DGKB: variants seen among roughly 807,000 people sequenced by gnomAD.
DGKB encodes diacylglycerol kinase beta.
A neutral mutation model predicts 114.3 loss-of-function variants in DGKB; 67 were observed. The ratio of observed to expected loss-of-function variants is 0.59; its 90% CI spans 0.48 to 0.72. DGKB has a LOEUF of 0.72. Among genes scored for constraint, DGKB ranks in the 30% least tolerant of loss-of-function variants. The pLI, the probability that DGKB is intolerant of heterozygous loss-of-function variation, is 0.00. For synonymous variants in DGKB, 398 were observed against 323.1 expected, an observed-to-expected ratio of 1.23 and a Z score of -2.49; for missense variants, 907 against 975.2, an observed-to-expected ratio of 0.93 and a Z score of 0.93.
At chr7:14,415,348 C>A (rs1825540132) in intron 21 of DGKB, among the ~76,000 whole-genome samples, 1 of 151,844 alleles carries the variant, frequency 6.6e-6, no homozygotes, top group Non-Finnish European at 1.5e-5. Context: ...TATACATGTG[C>A]CATGTTGGTG....
chr7:14,886,282 CA>C (rs1256596262), intron 1 of DGKB, among the ~76,000 whole-genome samples: 1 of 151,746 alleles, frequency 6.6e-6, no homozygotes, highest in African/African-American at 2.4e-5. Context: ...GAGATCTGAA[CA>C]TGGGAAGAAG....
chr7:14,649,474 T>C (rs984119924), intron 13 of DGKB, among the ~76,000 whole-genome samples: 7 of 151,412 alleles, frequency 4.6e-5, no homozygotes, highest in Admixed American at 2.0e-4. Flanking sequence ...CAGGCCTGCC[T>C]TACAAGAGCT....
At chr7:14,838,505 G>A (rs1393043460) in intron 2 of DGKB, among the ~76,000 whole-genome samples, 7 of 151,794 alleles carry the variant, frequency 4.6e-5, no homozygotes, top group Admixed American at 4.6e-4. Context: ...TTTTAAAACT[G>A]GAGGAAAATT....
chr7:14,331,894 CCAAT>C (rs1809778085), intron 23 of DGKB, among the ~76,000 whole-genome samples: 1 of 152,020 alleles, frequency 6.6e-6, no homozygotes, highest in South Asian at 2.1e-4. Flanking sequence ...TCCTTGACAG[CCAAT>C]CAGATACACA....
At position 14,519,720 on chromosome 7, in the gene DGKB, G is replaced by A. The variant is rs528165676; in HGVS notation, c.1771-41495C>T. 1.4e-4 allele frequency among the ~76,000 whole-genome samples: 22 copies of A among 151,924 alleles called. No individual in the cohort carries two copies. In the South Asian group the frequency reaches 4.6e-3, roughly 32 times the overall value. ...GACATACTCACCAACACTGGGTACT[G>A]TATGGTTTTTTGATTACAGCCTTCT... On this transcript the variant is annotated intron_variant, in intron 20 of 25. Coordinates refer to ENST00000402815, the MANE Select transcript of DGKB (RefSeq NM_001350709.2).
Position 14,405,976 on chromosome 7 carries a change from G to A in DGKB, c.1836-60585C>T, listed in dbSNP as rs1823871292. On this transcript the variant is annotated intron_variant, in intron 21 of 25. Coordinates refer to ENST00000402815, the MANE Select transcript of DGKB (RefSeq NM_001350709.2). ...AGGGAGTTGCTACTATCTTTAGCTT[G>A]AAGGAGAAAAAGGAGGAGGTTGTAT... Among the ~76,000 whole-genome samples, 2 of 151,998 alleles carry A rather than the reference G, an allele frequency of 1.3e-5. 1 individual carries two copies. Among genetic ancestry groups the A allele is most frequent in the South Asian group, 4.1e-4 (2 of 4,822 alleles).
chr7:14,819,488 G>T (rs1844612015), intron 2 of DGKB, among the ~76,000 whole-genome samples: 1 of 152,158 alleles, frequency 6.6e-6, no homozygotes, highest in African/African-American at 2.4e-5. Context: ...TATTCGGGAG[G>T]CTGAGGTGGA....
chr7:14,751,068 C>T (rs1834058572), intron 4 of DGKB, among the ~76,000 whole-genome samples: 1 of 151,984 alleles, frequency 6.6e-6, no homozygotes, highest in Admixed American at 6.6e-5. Flanking sequence ...CCACGTTGGC[C>T]TCCCAAAGTG....
chr7:14,696,928 C>T (rs928946712), intron 8 of DGKB, among the ~76,000 whole-genome samples: 5 of 152,188 alleles, frequency 3.3e-5, no homozygotes, highest in South Asian at 2.1e-4. Flanking sequence ...TGTTGTTTAC[C>T]GCATAGATGT....
At chr7:14,772,150 A>G (rs1271113493) in intron 2 of DGKB, among the ~76,000 whole-genome samples, 1 of 152,068 alleles carries the variant, frequency 6.6e-6, no homozygotes, top group Non-Finnish European at 1.5e-5. Context: ...ATATAAAACC[A>G]AGCTGTACCC....
At chr7:14,477,140 C>T (rs148189025) in intron 21 of DGKB, among the ~76,000 whole-genome samples, 1 of 152,152 alleles carries the variant, frequency 6.6e-6, no homozygotes, top group African/African-American at 2.4e-5. Context: ...TAAAGTAGTG[C>T]AATTTTAATA....
chr7:14,300,525 T>C (rs1803349591), intron 23 of DGKB, among the ~76,000 whole-genome samples: 2 of 152,178 alleles, frequency 1.3e-5, no homozygotes, highest in Non-Finnish European at 2.9e-5. Context: ...TTATTTTTAT[T>C]AGTAATTAAT....
At chr7:14,490,372 T>G (rs185671024) in intron 20 of DGKB, among the ~76,000 whole-genome samples, 1 of 152,330 alleles carries the variant, frequency 6.6e-6, no homozygotes, top group African/African-American at 2.4e-5. Flanking sequence ...CTTAATAATT[T>G]GGTTAATTTC....
Position 14,613,985 on chromosome 7 carries a change from G to A in DGKB, c.1285-572C>T, listed in dbSNP as rs138332501. Among the ~76,000 whole-genome samples the A allele has an allele frequency of 4.8e-4, 73 of 152,222 alleles. 1 individual carries two copies. In the East Asian group the frequency reaches 0.014, roughly 29 times the overall value. The stretch of plus-strand genomic sequence containing the variant: ...GCTTTCTTTTCCTCCTTGCTGAATA[G>A]GTTGCTAGTTAATCAAGTATATTTG... On this transcript the variant is annotated intron_variant, in intron 15 of 25. Coordinates refer to ENST00000402815, the MANE Select transcript of DGKB (RefSeq NM_001350709.2).
At chr7:14,279,284 A>G (rs567663024) in intron 23 of DGKB, among the ~76,000 whole-genome samples, 86 of 152,304 alleles carry the variant, frequency 5.6e-4, no homozygotes, top group African/African-American at 2.0e-3. Context: ...TCAAACTGCA[A>G]GGCGGCAGCC....
At chr7:14,870,590 G>A (rs947309149) in intron 1 of DGKB, among the ~76,000 whole-genome samples, 13 of 152,234 alleles carry the variant, frequency 8.5e-5, no homozygotes, top group Non-Finnish European at 1.3e-4. Context: ...GACATCAGGC[G>A]TTTGAGATCA....
chr7:14,171,833 G>C (rs902099760), intron 25 of DGKB, among the ~76,000 whole-genome samples: 6 of 152,172 alleles, frequency 3.9e-5, no homozygotes, highest in African/African-American at 7.2e-5. Flanking sequence ...AAGTGCATTT[G>C]GTATTGGCAA....
chr7:14,569,464 T>G (rs985658288), intron 20 of DGKB, among the ~76,000 whole-genome samples: 22 of 152,170 alleles, frequency 1.4e-4, no homozygotes, highest in Non-Finnish European at 2.6e-4. Context: ...TAATATGAGG[T>G]AGAGTTCTAA....
chr7:14,704,540 G>A (rs146323824), intron 6 of DGKB, among the ~76,000 whole-genome samples: 9,016 of 151,794 alleles, frequency 0.059, 787 homozygotes, highest in African/African-American at 0.19. Context: ...CAGCGAGACC[G>A]ACGCAGAAGA....
Sources: gnomAD v4.1 joint callset for allele counts (sites outside exome capture counted in the v4.1 genomes callset) on GRCh38, gnomAD v4.1.1 for gene constraint, MANE v1.5 for transcripts, NCBI Gene and HGNC (gene_info 2026-07-23, HGNC 2026-07-21) for gene names.